The following NEK11 variants were observed in gnomAD, a reference collection of about 807,000 sequenced individuals.
NEK11 encodes the protein NIMA related kinase 11.
NEK11 carries 72 observed loss-of-function variants against 80.7 expected under a neutral mutation model. The ratio of observed to expected loss-of-function variants is 0.89; its 90% CI spans 0.74 to 1.08. NEK11 has a LOEUF of 1.08. Among genes scored for constraint, NEK11 ranks in the 50% least tolerant of loss-of-function variants. The probability of loss-of-function intolerance (pLI) is 0.00; values close to 1 mark genes in which losing one functional copy is unlikely to be tolerated. For synonymous variants in NEK11, 251 were observed against 260.7 expected, an observed-to-expected ratio of 0.96 and a Z score of 0.36; for missense variants, 764 against 763.6, an observed-to-expected ratio of 1.00 and a Z score of -0.01.
chr3:131,181,898 G>T (rs1270628963), intron 14 of NEK11, among the ~76,000 whole-genome samples: 1 of 151,640 alleles, frequency 6.6e-6, no homozygotes, highest in Non-Finnish European at 1.5e-5. Context: ...TGATTCATAT[G>T]CTAGTTTTTT....
intron 5 of NEK11, among the ~76,000 whole-genome samples, chr3:131,124,996 G>A (rs2083061783): frequency 6.6e-6 from 1 of 152,156 alleles, no homozygotes; most frequent in South Asian, 2.1e-4. Flanking sequence ...AGCATCTGGG[G>A]TTATGGACCT....
chr3:131,058,002 T>C (rs1001624655), intron 3 of NEK11, among the ~76,000 whole-genome samples: 1 of 152,160 alleles, frequency 6.6e-6, no homozygotes, highest in African/African-American at 2.4e-5. Context: ...GGTTTTCTTC[T>C]AGGGTTTTTA....
intron 17 of NEK11, among the ~76,000 whole-genome samples, chr3:131,298,892 G>A (rs191789952): frequency 2.5e-4 from 37 of 146,670 alleles, no homozygotes; most frequent in Middle Eastern, 3.7e-3. Flanking sequence ...ATGTATGTAT[G>A]TAGTAGTGTC....
Position 131,203,170 on chromosome 3 carries a change from G to C in NEK11, c.1400-25358G>C. 2.6e-5 allele frequency among the ~76,000 whole-genome samples: 4 copies of C among 152,132 alleles called. No individual in the cohort carries two copies. In the Middle Eastern group the frequency reaches 0.014, roughly 517 times the overall value. On this transcript the variant is annotated intron_variant, in intron 14 of 17. Coordinates refer to ENST00000383366, the MANE Select transcript of NEK11 (RefSeq NM_024800.5). ...CACTATTCACAATAGCAAACACTTG[G>C]AATCAACCCAAATGTCCATCAATGA...
intron 14 of NEK11, among the ~76,000 whole-genome samples, chr3:131,197,577 C>T (rs1426581221): frequency 6.6e-6 from 1 of 152,120 alleles, no homozygotes; most frequent in Non-Finnish European, 1.5e-5. Flanking sequence ...TTGAAAAGGC[C>T]TGGCCCAGTA....
chr3:131,331,621 T>C (rs1021728621), intron 17 of NEK11, among the ~76,000 whole-genome samples: 1 of 152,108 alleles, frequency 6.6e-6, no homozygotes, highest in Non-Finnish European at 1.5e-5. Flanking sequence ...GGACAGTGGG[T>C]GCAGCGCACC....
chr3:131,029,752 C>T lies in NEK11; in HGVS notation c.44C>T (p.Thr15Ile). 1 of 1,614,074 alleles carries T rather than the reference C, an allele frequency of 6.2e-7. No individual in the cohort carries two copies. Among genetic ancestry groups the T allele is most frequent in the Non-Finnish European group, 8.5e-7 (1 of 1,179,912 alleles). Residue 15 changes from threonine (T) to isoleucine (I), a missense_variant, in exon 3 of 18, where the codon ACA becomes ATA. Thr to Ile is a moderately conservative substitution (Grantham distance 89). Transcript: ENST00000383366. ...QEAAKCVSGSTAISTYPKTLI... is the reference protein window; with the variant it reads ...QEAAKCVSGSIAISTYPKTLI... ...GCAGCTAAGTGTGTGAGTGGATCAA[C>T]AGCCATTTCCACTTATCCAAAGACC...
intron 14 of NEK11, among the ~76,000 whole-genome samples, chr3:131,224,654 A>G (rs1465610911): frequency 1.3e-5 from 2 of 152,196 alleles, no homozygotes; most frequent in African/African-American, 4.8e-5. Flanking sequence ...ATCACAGTAG[A>G]TGGAGGCTCC....
intron 6 of NEK11, chr3:131,133,398 G>A (rs112933147): frequency 3.7e-5 from 15 of 403,704 alleles, no homozygotes; most frequent in Non-Finnish European, 5.7e-5. Context: ...TTATAGTCAT[G>A]TTCTTAAATA....
intron 16 of NEK11, among the ~76,000 whole-genome samples, chr3:131,250,925 C>T (rs569939490): frequency 1.3e-5 from 2 of 152,148 alleles, no homozygotes; most frequent in South Asian, 4.1e-4. Flanking sequence ...AAAATGTAAT[C>T]TGCACACACT....
At chr3:131,097,934 G>A (rs957259070) in intron 4 of NEK11, among the ~76,000 whole-genome samples, 1 of 145,686 alleles carries the variant, frequency 6.9e-6, no homozygotes, top group African/African-American at 2.5e-5. Context: ...AACCAAAACA[G>A]CATGGTACTG....
At chr3:131,098,165 T>G (rs2077757051) in intron 4 of NEK11, among the ~76,000 whole-genome samples, 1 of 152,108 alleles carries the variant, frequency 6.6e-6, no homozygotes, top group African/African-American at 2.4e-5. Context: ...CAAGGTGGAT[T>G]TAAGACTTAA....
rs562519847 is a variant in NEK11, at chr3:131,062,572, C to G, written c.171-17851C>G. Among the ~76,000 whole-genome samples, 19 of 152,316 alleles carry G rather than the reference C, an allele frequency of 1.2e-4. No homozygotes were observed. The South Asian group carries it at 3.7e-3, about 30-fold the overall frequency. On this transcript the variant is annotated intron_variant, in intron 3 of 17. Coordinates refer to ENST00000383366, the MANE Select transcript of NEK11 (RefSeq NM_024800.5). ...CACCCTTAAAAAGTTATCTTGTGCT[C>G]CTTCTAATCTTCCTCCACCCCAAAC...
At chr3:131,271,899 TGACCAACAGGA>T (rs922221195) in intron 16 of NEK11, among the ~76,000 whole-genome samples, 3 of 151,614 alleles carry the variant, frequency 2.0e-5, no homozygotes, top group South Asian at 2.1e-4. Flanking sequence ...AAGACCAGCC[TGACCAACAGGA>T]GACCAACAGG....
chr3:131,214,010 A>G (rs566373456), intron 14 of NEK11, among the ~76,000 whole-genome samples: 6 of 152,160 alleles, frequency 3.9e-5, no homozygotes, highest in Non-Finnish European at 7.3e-5. Context: ...CCACCATATG[A>G]GGATACAAGA....
At chr3:131,053,018 C>G (rs2068704480) in intron 3 of NEK11, among the ~76,000 whole-genome samples, 1 of 152,148 alleles carries the variant, frequency 6.6e-6, no homozygotes, top group Middle Eastern at 3.4e-3. Context: ...TTTCCCGCCC[C>G]CCGGGACACT....
intron 4 of NEK11, among the ~76,000 whole-genome samples, chr3:131,091,590 G>A (rs2149153513): frequency 1.3e-5 from 2 of 152,250 alleles, no homozygotes; most frequent in Admixed American, 1.3e-4. Flanking sequence ...AAATAAAGAA[G>A]TTGATATAAA....
intron 3 of NEK11, among the ~76,000 whole-genome samples, chr3:131,046,580 T>C (rs1435550816): frequency 2.1e-5 from 2 of 97,014 alleles, no homozygotes; most frequent in East Asian, 5.2e-4. Context: ...AAGTGATTCT[T>C]TTTTTTTTTT....
At chr3:131,345,230 G>A (rs1011463026) in intron 17 of NEK11, among the ~76,000 whole-genome samples, 35 of 151,972 alleles carry the variant, frequency 2.3e-4, no homozygotes, top group African/African-American at 7.5e-4. Flanking sequence ...ACACAGCAAA[G>A]GAAACAATTA....
Sources: gnomAD v4.1 joint callset for allele counts (sites outside exome capture counted in the v4.1 genomes callset) on GRCh38, gnomAD v4.1.1 for gene constraint, MANE v1.5 for transcripts, NCBI Gene and HGNC (gene_info 2026-07-23, HGNC 2026-07-21) for gene names.